Variants in CPD observed in about 807,000 individuals in gnomAD.
CPD encodes the protein carboxypeptidase D, also known as metallocarboxypeptidase D.
In CPD, 69 loss-of-function variants were observed where a neutral mutation model predicts 138.3. The observed-to-expected ratio is 0.50, with a 90% CI of 0.41 to 0.61. The LOEUF (loss-of-function observed/expected upper bound fraction) is 0.61, where lower values mean the gene tolerates loss of function less well. Among genes scored for constraint, CPD ranks in the 20% least tolerant of loss-of-function variants. CPD has a pLI of 0.00. For missense variants in CPD, 1,432 were observed against 1,733.3 expected, an observed-to-expected ratio of 0.83 and a Z score of 3.09; for synonymous variants, 651 against 642.1, an observed-to-expected ratio of 1.01 and a Z score of -0.21.
intron 2 of CPD, among the ~76,000 whole-genome samples, chr17:30,404,129 T>G (rs1911745381): frequency 1.3e-5 from 2 of 152,186 alleles, no homozygotes. Flanking sequence ...AGAAATGTTC[T>G]GTATTTTTAT....
At chr17:30,441,985 G>A (rs548798398) in intron 9 of CPD, among the ~76,000 whole-genome samples, 8 of 151,368 alleles carry the variant, frequency 5.3e-5, no homozygotes, top group Non-Finnish European at 1.0e-4. Flanking sequence ...CAGAAGGAAT[G>A]GTACCAGTTC....
chr17:30,388,809 G>A (rs1911266666), intron 2 of CPD, among the ~76,000 whole-genome samples: 2 of 152,204 alleles, frequency 1.3e-5, no homozygotes, highest in South Asian at 2.1e-4. Context: ...GTTGCCCTGG[G>A]GCTAAGGAGT....
In CPD at chr17:30,462,386, A is replaced by G; in HGVS notation, c.3833A>G (p.Asp1278Gly). The G allele has an allele frequency of 6.2e-7, 1 of 1,613,810 alleles. No homozygotes were observed. The highest frequency in any genetic ancestry group is 8.5e-7 in the Non-Finnish European group (1 of 1,179,818). ...QQHSQVFVHH[D>G]AASSVVIVFD... ...TCCTTCTAGGTCTTTGTGCATCATG[A>G]TGCAGCTAGTTCTGTGGTGATAGTC... is the stretch of plus-strand genomic sequence containing the variant. The change falls in exon 20 of 21, where the codon GAT (aspartate) becomes GGT (glycine). Residue 1278 changes from aspartate (D) to glycine (G), a missense_variant. By Grantham distance (94) the Asp-to-Gly change is moderately conservative (BLOSUM62 -1). This residue lies in a region of CPD where 366 missense variants were observed against 518.8 expected (regional missense o/e 0.71). Coordinates refer to ENST00000225719, the MANE Select transcript of CPD (RefSeq NM_001304.5).
At chr17:30,453,744 A>G (rs1416400077) in intron 14 of CPD, among the ~76,000 whole-genome samples, 1 of 152,204 alleles carries the variant, frequency 6.6e-6, no homozygotes, top group Non-Finnish European at 1.5e-5. Flanking sequence ...CCCTGCAGCA[A>G]ACTTTTGCCT....
At chr17:30,408,838 C>T (rs1383783377) in intron 2 of CPD, among the ~76,000 whole-genome samples, 6 of 152,102 alleles carry the variant, frequency 3.9e-5, no homozygotes, top group African/African-American at 1.2e-4. Context: ...GAACTTCCAA[C>T]ACTATGTTGA....
chr17:30,462,929 G>A (rs1913529887), intron 20 of CPD, among the ~76,000 whole-genome samples: 1 of 152,242 alleles, frequency 6.6e-6, no homozygotes, highest in African/African-American at 2.4e-5. Context: ...TGCAGCAGGA[G>A]CATGTCCTTA....
At chr17:30,407,265 G>A (rs560813781) in intron 2 of CPD, among the ~76,000 whole-genome samples, 2 of 152,026 alleles carry the variant, frequency 1.3e-5, no homozygotes, top group Admixed American at 6.6e-5. Context: ...GAATAGTGCC[G>A]CAATAAACAT....
intron 1 of CPD, among the ~76,000 whole-genome samples, chr17:30,384,413 T>C (rs997282538): frequency 1.3e-5 from 2 of 152,236 alleles, no homozygotes; most frequent in African/African-American, 4.8e-5. Flanking sequence ...AATGAATATT[T>C]ATATATACCA....
chr17:30,427,270 G>A, intron 6 of CPD, 121 bp from the exon 7 acceptor site: 1 of 740,752 alleles, frequency 1.3e-6, no homozygotes, highest in East Asian at 2.7e-5. Context: ...ATAGGTGATT[G>A]ATAATAGCGA....
At chr17:30,435,692 T>A (rs1912681247) in intron 8 of CPD, among the ~76,000 whole-genome samples, 1 of 152,202 alleles carries the variant, frequency 6.6e-6, no homozygotes, top group Admixed American at 6.5e-5. Flanking sequence ...AAAAACTGTA[T>A]TTGTTTCCTA....
At chr17:30,424,132 G>A (rs1388243217) in intron 6 of CPD, among the ~76,000 whole-genome samples, 1 of 152,010 alleles carries the variant, frequency 6.6e-6, no homozygotes, top group Non-Finnish European at 1.5e-5. Context: ...ATTTTAAGAA[G>A]ACATGAGACA....
At chr17:30,464,316 A>G (rs1464600290) in intron 20 of CPD, among the ~76,000 whole-genome samples, 12 of 152,118 alleles carry the variant, frequency 7.9e-5, no homozygotes, top group Non-Finnish European at 1.8e-4. Flanking sequence ...ACACACACAC[A>G]AAAGATCTTA....
In CPD at chr17:30,445,744, T is replaced by C. The variant is rs750700642; in HGVS notation, c.2597T>C (p.Val866Ala). 6.2e-7 allele frequency: 1 copy of C among 1,613,586 alleles called. No homozygotes were observed. The highest frequency in any genetic ancestry group is 1.1e-5 in the South Asian group (1 of 90,988). The change falls in exon 12 of 21, where the codon GTC (valine) becomes GCC (alanine). Residue 866 changes from valine to alanine, a missense_variant. Physicochemically the swap from Val to Ala is moderately conservative, Grantham distance 64. Around this residue, in one of 6 missense-constraint regions of CPD, gnomAD observed 124 missense variants for 117.0 expected, o/e 1.06. Transcript: ENST00000225719. ...GTCAAGAGTGAAGGCGCTATTCAGG[T>C]CAACTTCACACTTGTTCGATCCTCA... ...VTVKSEGAIQ[V>A]NFTLVRSSTD...
chr17:30,427,253 C>A, intron 6 of CPD, 138 bp from the exon 7 acceptor site: 1 of 641,710 alleles, frequency 1.6e-6, no homozygotes, highest in South Asian at 2.4e-5. Flanking sequence ...AAGACAGTTT[C>A]ATAATCATAG....
Position 30,379,210 on chromosome 17 carries a change from C to T in CPD, c.230C>T (p.Pro77Leu). The change falls in exon 1 of 21, where the codon CCC (proline) becomes CTC (leucine). Residue 77 changes from proline to leucine, a missense_variant. Pro to Leu is a moderately conservative substitution (Grantham distance 98). Transcript: ENST00000225719. This position sits in a 1 kb window ranked among gnomAD's most constrained non-coding sequence, Gnocchi z 7.0. The part of the protein sequence containing the change: ...ALREAAAAGL[P>L]GLARLFSIGR... ...AGGGAGGCGGCGGCCGCGGGCCTCCCCGGCCTGGCCCGCCTCTTTAGCATC... is the reference window on the plus strand; with the variant it reads ...AGGGAGGCGGCGGCCGCGGGCCTCCTCGGCCTGGCCCGCCTCTTTAGCATC... 1 of 1,528,512 alleles carries T rather than the reference C, an allele frequency of 6.5e-7. No individual in the cohort carries two copies. Among genetic ancestry groups the T allele is most frequent in the Non-Finnish European group, 8.8e-7 (1 of 1,142,856 alleles). The allele number at this position is 1,528,512 out of a possible 1,614,324, so 94.7% of individuals were successfully genotyped here. A position where few individuals can be genotyped will look rare whatever the true frequency, so the allele number is the denominator to read the frequency against.
chr17:30,445,880 G>C lies in CPD; in HGVS notation c.2733G>C (p.Ala911=). The C allele has an allele frequency of 6.2e-7, 1 of 1,614,106 alleles. No homozygotes were observed. Residue 911 remains alanine, a synonymous_variant, in exon 12 of 21, where the codon GCG becomes GCC. Transcript: ENST00000225719. ...EFETLIKDLS[A]ENGLESLMLR... ...AAACTTTAATTAAAGACCTTTCAGC[G>C]GAGAATGGTTTGGAAAGCCTCATGT...
intron 2 of CPD, among the ~76,000 whole-genome samples, chr17:30,419,442 C>A (rs564222398): frequency 6.6e-6 from 1 of 152,106 alleles, no homozygotes; most frequent in Non-Finnish European, 1.5e-5. Flanking sequence ...TGGGTTCAAG[C>A]GATTCTTCTG....
intron 2 of CPD, among the ~76,000 whole-genome samples, chr17:30,416,202 C>T (rs940785101): frequency 5.9e-5 from 9 of 152,150 alleles, no homozygotes; most frequent in Non-Finnish European, 1.2e-4. Flanking sequence ...CGTAGTGCTG[C>T]ATGCCTGTAA....
At chr17:30,431,263 T>G (rs750794742) in intron 7 of CPD, among the ~76,000 whole-genome samples, 1 of 152,230 alleles carries the variant, frequency 6.6e-6, no homozygotes, top group African/African-American at 2.4e-5. Context: ...TTATCTATCT[T>G]CTTTGGAGAA....
Sources: gnomAD v4.1 joint callset for allele counts (sites outside exome capture counted in the v4.1 genomes callset) on GRCh38, gnomAD v4.1.1 for gene constraint, gnomAD v4.1.1 regional missense constraint, Gnocchi (gnomAD v3.1) non-coding constraint, MANE v1.5 for transcripts, NCBI Gene and HGNC (gene_info 2026-07-23, HGNC 2026-07-21) for gene names.